Variants in STRBP observed in about 807,000 individuals in gnomAD.
STRBP encodes the protein spermatid perinuclear RNA binding protein, also known as spermatid perinuclear RNA-binding protein.
In STRBP, 13 loss-of-function variants were observed where a neutral mutation model predicts 80.1. The observed-to-expected ratio is 0.16, with a 90% confidence interval of 0.11 to 0.26. The LOEUF (loss-of-function observed/expected upper bound fraction) is 0.26, where lower values mean the gene tolerates loss of function less well. STRBP is among the 10% of genes least tolerant of loss of function. The pLI is 1.00. For missense variants in STRBP, 485 were observed against 815.2 expected (o/e 0.59, Z 4.93); for synonymous variants, 284 against 291.2 (o/e 0.98, Z 0.25).
At chr9:123,211,427 A>G (rs555446706) in intron 2 of STRBP, among the ~76,000 whole-genome samples, 40 of 152,300 alleles carry the variant, frequency 2.6e-4, no homozygotes, top group Middle Eastern at 3.4e-3. Flanking sequence ...CGAGGAAGCC[A>G]TGGGGATAGG....
intron 4 of STRBP, 148 bp downstream of exon 4, chr9:123,178,859 C>G (rs1449155230): frequency 1.3e-5 from 8 of 609,158 alleles, no homozygotes; most frequent in Non-Finnish European, 2.2e-5. Context: ...CTCAGAAAAT[C>G]TCCATGTAAC....
chr9:123,159,258 T>C, intron 8 of STRBP, 51 bp from the exon 9 acceptor site: 1 of 1,345,562 alleles, frequency 7.4e-7, no homozygotes, highest in East Asian at 2.3e-5. Flanking sequence ...GTTAAAAGGA[T>C]TCCAGTTAAA....
chr9:123,253,142 A>G (rs551891931), intron 1 of STRBP, among the ~76,000 whole-genome samples: 1 of 152,350 alleles, frequency 6.6e-6, no homozygotes, highest in Non-Finnish European at 1.5e-5. Flanking sequence ...AAACCACTCA[A>G]GCAAATCAAT....
At chr9:123,251,954 C>T (rs1588156337) in intron 1 of STRBP, among the ~76,000 whole-genome samples, 1 of 152,062 alleles carries the variant, frequency 6.6e-6, no homozygotes, top group South Asian at 2.1e-4. Context: ...TAACATGCTA[C>T]ACAGGAATAC....
chr9:123,134,511 C>T (rs1215022089), intron 16 of STRBP, among the ~76,000 whole-genome samples: 9 of 152,136 alleles, frequency 5.9e-5, no homozygotes, highest in African/African-American at 2.2e-4. Context: ...ACCCACATAT[C>T]CAAAATAGAT....
chr9:123,116,411 A>G (rs1282772723), intron 2 of STRBP, among the ~76,000 whole-genome samples: 1 of 152,194 alleles, frequency 6.6e-6, no homozygotes, highest in Non-Finnish European at 1.5e-5. Flanking sequence ...TACAGTATAA[A>G]ATGATGGTCT....
At chr9:123,204,923 CAAAA>C (rs34576355) in intron 2 of STRBP, among the ~76,000 whole-genome samples, 2 of 54,562 alleles carry the variant, frequency 3.7e-5, no homozygotes, top group Non-Finnish European at 4.0e-5. Context: ...GACTCCATCT[CAAAA>C]AAAAAAAAAA....
At chr9:123,156,877 G>A (rs193131098) in intron 11 of STRBP, among the ~76,000 whole-genome samples, 142 of 152,014 alleles carry the variant, frequency 9.3e-4, no homozygotes, top group African/African-American at 3.0e-3. Context: ...AAGAATATCC[G>A]GTATTAAATA....
rs761972747 is a variant in STRBP, at chr9:123,169,968, T to C, written c.469A>G (p.Thr157Ala). 6.2e-7 allele frequency: 1 copy of C among 1,609,360 alleles called. No homozygotes were observed. Among genetic ancestry groups the C allele is most frequent in the Admixed American group, 1.7e-5 (1 of 59,210 alleles). ...GTAAGTATCACCTTCAAAGTTAGCGTGGGCTCTTTTGTATTCCGAATTATA... is the reference window on the plus strand; with the variant it reads ...GTAAGTATCACCTTCAAAGTTAGCGCGGGCTCTTTTGTATTCCGAATTATA... ...SIIIRNTKEP[T>A]LTLKVILTSP... The change falls in exon 6 of 19, where the codon ACG becomes GCG. Residue 157 changes from threonine (T) to alanine (A), a missense_variant. This residue lies in a region of STRBP where 377 missense variants were observed against 616.1 expected (regional missense o/e 0.61). Transcript: ENST00000348403.
chr9:123,218,438 C>A (rs1008261078), intron 2 of STRBP, among the ~76,000 whole-genome samples: 5 of 143,812 alleles, frequency 3.5e-5, no homozygotes, highest in Non-Finnish European at 7.5e-5. Context: ...GGCGCAATCT[C>A]GGCTCACTGC....
Position 123,256,349 on chromosome 9 carries a change from C to T in STRBP, c.-302+12087G>A, listed in dbSNP as rs1014376792. On this transcript the variant is annotated intron_variant, in intron 1 of 18. Transcript: ENST00000348403. ...TTTCCACTACCTTTATTGCTTTCCC[C>T]CCAAATTATTACAATAGCATTTTAA... is the stretch of plus-strand genomic sequence containing the variant. 5.3e-5 allele frequency among the ~76,000 whole-genome samples: 8 copies of T among 152,218 alleles called. No homozygotes were observed. The South Asian group carries it at 6.2e-4, about 12-fold the overall frequency.
intron 11 of STRBP, among the ~76,000 whole-genome samples, chr9:123,157,095 T>G (rs1367205642): frequency 6.6e-6 from 1 of 152,208 alleles, no homozygotes; most frequent in South Asian, 2.1e-4. Context: ...GGCCTAAAAC[T>G]AGGAAGTGGT....
intron 16 of STRBP, 129 bp from the exon 17 acceptor site, chr9:123,133,097 C>A: frequency 9.0e-7 from 1 of 1,105,004 alleles, no homozygotes; most frequent in Non-Finnish European, 1.3e-6. Context: ...TGTCTGTGAT[C>A]TTGAACCTTC....
chr9:123,158,578 T>A, intron 9 of STRBP, 149 bp from the exon 10 acceptor site: 1 of 650,390 alleles, frequency 1.5e-6, no homozygotes, highest in Non-Finnish European at 2.6e-6. Context: ...TTAAGTGGAG[T>A]AAAAAGGACA....
chr9:123,175,019 C>T (rs922983910), intron 4 of STRBP, among the ~76,000 whole-genome samples: 3 of 152,092 alleles, frequency 2.0e-5, no homozygotes, highest in African/African-American at 4.8e-5. Context: ...AGTTTAAGTG[C>T]CCTATTTAAA....
At position 123,123,262 on chromosome 9, in the gene STRBP, G is replaced by A. The variant is rs1024281365; in HGVS notation, c.*2335C>T. ...AAGCAAAACTTCATGTTAATCTCAG[G>A]CAATTTGGTGAAGCCAAGAGCTTCA... is the stretch of plus-strand genomic sequence containing the variant. On this transcript the variant is annotated 3_prime_UTR_variant, in exon 19 of 19. Coordinates refer to ENST00000348403, the MANE Select transcript of STRBP (RefSeq NM_018387.5). The A allele has an allele frequency of 8.6e-5, 85 of 985,258 alleles. No individual in the cohort carries two copies. Among genetic ancestry groups the A allele is most frequent in the Non-Finnish European group, 9.5e-5 (79 of 829,936 alleles). The allele number at this position is 985,258 out of a possible 1,614,324, so 61.0% of individuals were successfully genotyped here.
chr9:123,202,158 T>C (rs2039350222), intron 2 of STRBP, among the ~76,000 whole-genome samples: 1 of 152,244 alleles, frequency 6.6e-6, no homozygotes, highest in Admixed American at 6.5e-5. Context: ...GATATTTGGA[T>C]TCTGTATCCA....
chr9:123,124,357 C>T lies in STRBP; in HGVS notation c.*1240G>A. 1 of 985,424 alleles carries T rather than the reference C, an allele frequency of 1.0e-6. No individual in the cohort carries two copies. The highest frequency in any genetic ancestry group is 1.2e-6 in the Non-Finnish European group (1 of 829,944). The allele number at this position is 985,424 out of a possible 1,614,324, so 61.0% of individuals were successfully genotyped here. ...TTGACCTAGTAACATCATTGGCTTTCCAAACAAGGTGAGAATGCAAGTGGA... is the reference window on the plus strand; with the variant it reads ...TTGACCTAGTAACATCATTGGCTTTTCAAACAAGGTGAGAATGCAAGTGGA... On this transcript the variant is annotated 3_prime_UTR_variant, in exon 19 of 19. Coordinates refer to ENST00000348403, the MANE Select transcript of STRBP (RefSeq NM_018387.5).
rs764710685 is a variant in STRBP, at chr9:123,122,299, G to A, written c.*3298C>T. ...AGAACGAGAATAAAGTGAGATAAAC[G>A]TGCTGAAAACTGCTTAAAAGTATTA... On this transcript the variant is annotated 3_prime_UTR_variant, in exon 19 of 19. Coordinates refer to ENST00000348403, the MANE Select transcript of STRBP (RefSeq NM_018387.5). 98 of 1,282,348 alleles carry A rather than the reference G, an allele frequency of 7.6e-5. No individual in the cohort carries two copies. The highest frequency in any genetic ancestry group is 1.1e-4 in the East Asian group (2 of 17,978). The allele number at this position is 1,282,348 out of a possible 1,614,324, so 79.4% of individuals were successfully genotyped here. A position where few individuals can be genotyped will look rare whatever the true frequency, so the allele number is the denominator to read the frequency against.
Sources: allele counts gnomAD v4.1 joint callset (sites outside exome capture counted in the v4.1 genomes callset), GRCh38; gene constraint gnomAD v4.1.1; regional missense constraint gnomAD v4.1.1; transcripts MANE v1.5; gene names NCBI Gene and HGNC (gene_info 2026-07-23, HGNC 2026-07-21).